EPB41L1: variants seen among roughly 807,000 people sequenced by gnomAD.
The protein encoded by EPB41L1 is erythrocyte membrane protein band 4.1 like 1.
A neutral mutation model predicts 97.8 loss-of-function variants in EPB41L1; 29 were observed. The observed-to-expected ratio is 0.30, with a 90% CI of 0.22 to 0.40. The LOEUF (loss-of-function observed/expected upper bound fraction) is 0.40, where lower values mean the gene tolerates loss of function less well. Among genes scored for constraint, EPB41L1 ranks in the 10% least tolerant of loss-of-function variants. The pLI is 1.00. For synonymous variants in EPB41L1, 383 were observed against 459.2 expected, an observed-to-expected ratio of 0.83 and a Z score of 2.12; for missense variants, 812 against 1,162.3, an observed-to-expected ratio of 0.70 and a Z score of 4.38.
chr20:36,232,366 T>G lies in EPB41L1; in HGVS notation c.*3026T>G, dbSNP rs1168469000. On this transcript the variant is annotated 3_prime_UTR_variant, in exon 22 of 22. Transcript: ENST00000338074. Reference sequence around the variant, plus strand: ...TCAGCTCCTAACTCACCATGTGACATCAGGCTATCCCCATTCCCCCTCTTG... The same window carrying G: ...TCAGCTCCTAACTCACCATGTGACAGCAGGCTATCCCCATTCCCCCTCTTG... 11 of 359,108 alleles carry G rather than the reference T, an allele frequency of 3.1e-5. No individual in the cohort carries two copies. Among genetic ancestry groups the G allele is most frequent in the African/African-American group, 2.1e-4 (10 of 47,908 alleles). The allele number at this position is 359,108 out of a possible 1,614,324, so 22.2% of individuals were successfully genotyped here.
At position 36,178,748 on chromosome 20, in the gene EPB41L1, C is replaced by G. The variant is rs925234144; in HGVS notation, c.490+76C>G. On this transcript the variant is annotated intron_variant, in intron 5 of 21. Transcript: ENST00000338074. ...CCATGAGAGCCCCCCTTGTACTGCTCTCTCCTCCTTTGGAAAGTGCATTTC... is the reference window on the plus strand; with the variant it reads ...CCATGAGAGCCCCCCTTGTACTGCTGTCTCCTCCTTTGGAAAGTGCATTTC... 4.1e-6 allele frequency: 6 copies of G among 1,469,694 alleles called. No homozygotes were observed. The African/African-American group carries it at 8.3e-5, about 20-fold the overall frequency. 91.0% of individuals were successfully genotyped at this position (1,469,694 alleles called of 1,614,324 possible). A position where few individuals can be genotyped will look rare whatever the true frequency, so the allele number is the denominator to read the frequency against.
At chr20:36,200,674 G>A (rs916540015) in intron 14 of EPB41L1, among the ~76,000 whole-genome samples, 4 of 152,114 alleles carry the variant, frequency 2.6e-5, no homozygotes, top group African/African-American at 4.8e-5. Context: ...AGTCCCTCCC[G>A]AGCTCACCCC....
At chr20:36,198,637 G>T (rs976112288) in intron 14 of EPB41L1, among the ~76,000 whole-genome samples, 2 of 152,148 alleles carry the variant, frequency 1.3e-5, no homozygotes, top group African/African-American at 2.4e-5. Flanking sequence ...GAAAGAGTGG[G>T]GTGTTTTCTC....
chr20:36,142,733 C>T (rs1196512135), intron 2 of EPB41L1, among the ~76,000 whole-genome samples: 5 of 152,132 alleles, frequency 3.3e-5, no homozygotes, highest in African/African-American at 1.2e-4. Context: ...GGCTTACCTG[C>T]CCGGGCTGTG....
rs2057744845 is a variant in EPB41L1, at chr20:36,093,844, C to T, written c.-65+2232C>T. Among the ~76,000 whole-genome samples the T allele has an allele frequency of 6.6e-6, 1 of 152,056 alleles. No homozygotes were observed. The highest frequency in any genetic ancestry group is 1.5e-5 in the Non-Finnish European group (1 of 67,994). On this transcript the variant is annotated intron_variant, in intron 1 of 19. Transcript: ENST00000202028. The surrounding 1 kb of genome is among the most constrained non-coding windows in gnomAD (Gnocchi z 5.4). ...TGGCCAGGGGACATGTCCCCTCCGGCCTCCCCCCAGCCCCCCACCAGACCT... is the reference window on the plus strand; with the variant it reads ...TGGCCAGGGGACATGTCCCCTCCGGTCTCCCCCCAGCCCCCCACCAGACCT...
intron 11 of EPB41L1, among the ~76,000 whole-genome samples, chr20:36,192,561 A>G (rs1166295745): frequency 6.6e-6 from 1 of 151,274 alleles, no homozygotes; most frequent in Non-Finnish European, 1.5e-5. Flanking sequence ...AAAAGGTGGA[A>G]AGTGGGGACT....
At chr20:36,149,381 A>G (rs2059958092) in intron 2 of EPB41L1, among the ~76,000 whole-genome samples, 1 of 152,208 alleles carries the variant, frequency 6.6e-6, no homozygotes, top group Non-Finnish European at 1.5e-5. Flanking sequence ...ACACTAGAAT[A>G]AGGCTTAACG....
At chr20:36,158,327 C>G (rs2060394828) in intron 1 of EPB41L1, among the ~76,000 whole-genome samples, 1 of 152,192 alleles carries the variant, frequency 6.6e-6, no homozygotes, top group Non-Finnish European at 1.5e-5. Flanking sequence ...ACATGACACA[C>G]TAAAAGTAAA....
chr20:36,214,512 ACAT>A, intron 17 of EPB41L1, 72 bp downstream of exon 17: 1 of 1,278,758 alleles, frequency 7.8e-7, no homozygotes, highest in Non-Finnish European at 1.1e-6. Flanking sequence ...GAACAAGCTA[ACAT>A]CGCCTGGCTG....
intron 2 of EPB41L1, among the ~76,000 whole-genome samples, chr20:36,115,854 T>C (rs1420462438): frequency 1.3e-5 from 2 of 152,180 alleles, no homozygotes; most frequent in African/African-American, 2.4e-5. Flanking sequence ...ATCGTATGAC[T>C]GCATTCCAGC....
chr20:36,162,281 A>G (rs1569171219), intron 1 of EPB41L1, among the ~76,000 whole-genome samples: 1 of 152,244 alleles, frequency 6.6e-6, no homozygotes, highest in Non-Finnish European at 1.5e-5. Context: ...TTTAAGTTGT[A>G]AAGTGCCCTG....
At chr20:36,204,723 C>T (rs994325256) in intron 14 of EPB41L1, among the ~76,000 whole-genome samples, 2 of 151,258 alleles carry the variant, frequency 1.3e-5, no homozygotes, top group African/African-American at 2.4e-5. Flanking sequence ...CTCACTGCAA[C>T]CTCCGCCTCC....
chr20:36,194,530 G>A (rs531584494), intron 12 of EPB41L1, among the ~76,000 whole-genome samples, 170 bp downstream of exon 12: 1 of 152,210 alleles, frequency 6.6e-6, no homozygotes. Flanking sequence ...CCTGGCCCTT[G>A]CCGGGATGGG....
At chr20:36,111,498 G>A (rs979660545) in intron 1 of EPB41L1, among the ~76,000 whole-genome samples, 8 of 152,052 alleles carry the variant, frequency 5.3e-5, no homozygotes, top group African/African-American at 1.2e-4. Flanking sequence ...AAAAGACCCC[G>A]AGGGAGGCCG....
chr20:36,163,615 GGGTGAGGGGAACCCACATGGGAT>G (rs1321555475), intron 1 of EPB41L1, among the ~76,000 whole-genome samples: 3 of 152,194 alleles, frequency 2.0e-5, no homozygotes, highest in African/African-American at 7.2e-5. Context: ...GATGTGAGCA[GGGTGAGGGGAACCCACATGGGAT>G]GGTGAGGCAC....
At chr20:36,197,530 C>A in intron 13 of EPB41L1, 1 of 616,344 alleles carries the variant, frequency 1.6e-6, no homozygotes, top group Non-Finnish European at 2.0e-6. Context: ...CTTATAGCAC[C>A]ACAGGGAACT....
chr20:36,210,626 C>T (rs1176433754), intron 15 of EPB41L1, among the ~76,000 whole-genome samples: 2 of 151,750 alleles, frequency 1.3e-5, no homozygotes, highest in Non-Finnish European at 2.9e-5. Context: ...TTTTTTTTCT[C>T]CCTTTCGGTG....
At chr20:36,173,631 C>G in intron 1 of EPB41L1, 133 bp from the exon 2 acceptor site, 1 of 808,118 alleles carries the variant, frequency 1.2e-6, no homozygotes, top group Non-Finnish European at 2.1e-6. Context: ...TCTCTCCCTT[C>G]CTCCTCCCTT....
chr20:36,124,384 C>T (rs1312474345), intron 2 of EPB41L1, among the ~76,000 whole-genome samples: 3 of 152,164 alleles, frequency 2.0e-5, no homozygotes, highest in African/African-American at 4.8e-5. Context: ...CTGAGTGAGC[C>T]GGTTCCTGCC....
Sources: allele counts gnomAD v4.1 joint callset (sites outside exome capture counted in the v4.1 genomes callset), GRCh38; gene constraint gnomAD v4.1.1; non-coding constraint Gnocchi (gnomAD v3.1); transcripts MANE v1.5; gene names NCBI Gene and HGNC (gene_info 2026-07-23, HGNC 2026-07-21).